Variants in TTC28 observed in about 807,000 individuals in gnomAD.
TTC28 encodes tetratricopeptide repeat protein 28.
Under a neutral mutation model 198.0 loss-of-function variants are expected in TTC28, and 61 were observed. The ratio of observed to expected loss-of-function variants is 0.31; its 90% confidence interval spans 0.25 to 0.38. The LOEUF (loss-of-function observed/expected upper bound fraction) is 0.38, where lower values mean the gene tolerates loss of function less well. Among genes scored for constraint, TTC28 ranks in the 10% least tolerant of loss-of-function variants. The probability of loss-of-function intolerance (pLI) is 1.00; values close to 1 mark genes in which losing one functional copy is unlikely to be tolerated. For missense variants in TTC28, 2,678 were observed against 3,164.0 expected, an observed-to-expected ratio of 0.85 and a Z score of 3.69; for synonymous variants, 1,171 against 1,297.8, an observed-to-expected ratio of 0.90 and a Z score of 2.10.
At chr22:28,068,286 C>T (rs1940837752) in intron 12 of TTC28, among the ~76,000 whole-genome samples, 2 of 152,204 alleles carry the variant, frequency 1.3e-5, no homozygotes, top group East Asian at 3.9e-4. Flanking sequence ...GCTGTGTGAC[C>T]TAGGATAAAT....
chr22:28,427,865 T>C (rs994977451), intron 2 of TTC28, among the ~76,000 whole-genome samples: 3 of 152,036 alleles, frequency 2.0e-5, no homozygotes, highest in Non-Finnish European at 4.4e-5. Flanking sequence ...CCTCCCCTCC[T>C]ACCTTCCTTT....
At chr22:28,060,594 T>A (rs186423645) in intron 12 of TTC28, among the ~76,000 whole-genome samples, 1 of 152,358 alleles carries the variant, frequency 6.6e-6, no homozygotes, top group East Asian at 1.9e-4. Flanking sequence ...TGATTTATAA[T>A]CCTTTGGGTA....
intron 2 of TTC28, among the ~76,000 whole-genome samples, chr22:28,604,598 G>T (rs2050700100): frequency 6.6e-6 from 1 of 151,678 alleles, no homozygotes; most frequent in Admixed American, 6.6e-5. Context: ...ACAGAAATTA[G>T]CCGAGCATGG....
chr22:28,646,897 C>G lies in TTC28; in HGVS notation c.103-17067G>C, dbSNP rs2051477448. Among the ~76,000 whole-genome samples, 3 of 152,004 alleles carry G rather than the reference C, an allele frequency of 2.0e-5. No individual in the cohort carries two copies. The South Asian group carries it at 6.2e-4, about 31-fold the overall frequency. On this transcript the variant is annotated intron_variant, in intron 1 of 22. Transcript: ENST00000397906. ...AAGGAAAGAATGGAAAGAAAGAAAT[C>G]AAATCAAAAGAGAACCCAAATAGCC... is the stretch of plus-strand genomic sequence containing the variant.
intron 5 of TTC28, among the ~76,000 whole-genome samples, chr22:28,286,777 A>G (rs1364799238): frequency 1.3e-5 from 2 of 152,110 alleles, no homozygotes; most frequent in African/African-American, 4.8e-5. Context: ...ATTTAAAAAT[A>G]CCATTTACAA....
At chr22:28,359,622 G>A (rs2046128356) in intron 2 of TTC28, among the ~76,000 whole-genome samples, 1 of 152,182 alleles carries the variant, frequency 6.6e-6, no homozygotes, top group South Asian at 2.1e-4. Context: ...CAAGTAACAA[G>A]TAGTAAGTAT....
At chr22:28,118,272 A>G (rs1197983293) in intron 6 of TTC28, among the ~76,000 whole-genome samples, 1 of 151,912 alleles carries the variant, frequency 6.6e-6, no homozygotes, top group African/African-American at 2.4e-5. Flanking sequence ...GGTGGCATGC[A>G]CCTGTAATCC....
intron 5 of TTC28, among the ~76,000 whole-genome samples, chr22:28,186,628 A>C (rs187423785): frequency 8.5e-4 from 129 of 152,320 alleles, no homozygotes; most frequent in Non-Finnish European, 1.7e-3. Context: ...GCACATTTCC[A>C]GAAGGTTCCA....
At chr22:28,203,405 TA>T (rs1326772853) in intron 5 of TTC28, among the ~76,000 whole-genome samples, 4 of 152,188 alleles carry the variant, frequency 2.6e-5, no homozygotes, top group Admixed American at 6.6e-5. Context: ...TAGCTATTTT[TA>T]TTGTAACCTG....
chr22:28,096,043 G>T, intron 11 of TTC28, 147 bp downstream of exon 11: 1 of 1,256,556 alleles, frequency 8.0e-7, no homozygotes, highest in Non-Finnish European at 1.0e-6. Context: ...CCCCACCACG[G>T]CATATCCACT....
chr22:28,290,991 A>C (rs1339389986), intron 5 of TTC28, among the ~76,000 whole-genome samples: 1 of 152,254 alleles, frequency 6.6e-6, no homozygotes, highest in African/African-American at 2.4e-5. Context: ...AAATCTCCCT[A>C]AAAGTGTAGA....
At chr22:28,644,644 G>A (rs1328283386) in intron 1 of TTC28, among the ~76,000 whole-genome samples, 3 of 152,164 alleles carry the variant, frequency 2.0e-5, no homozygotes, top group Non-Finnish European at 4.4e-5. Flanking sequence ...GGGCAACAAG[G>A]TGAAACCCCA....
chr22:28,336,877 G>T (rs989404285), intron 2 of TTC28, among the ~76,000 whole-genome samples: 4 of 152,010 alleles, frequency 2.6e-5, no homozygotes, highest in Admixed American at 2.6e-4. Flanking sequence ...CTTGCCTTCT[G>T]CTAGCTTTTG....
intron 2 of TTC28, among the ~76,000 whole-genome samples, chr22:28,595,216 A>C (rs2050518166): frequency 6.6e-6 from 1 of 152,198 alleles, no homozygotes; most frequent in African/African-American, 2.4e-5. Context: ...CCAATATTAA[A>C]TGATTAATCT....
intron 6 of TTC28, among the ~76,000 whole-genome samples, chr22:28,159,023 G>A (rs1324143755): frequency 6.6e-6 from 1 of 151,998 alleles, no homozygotes; most frequent in East Asian, 1.9e-4. Flanking sequence ...ATATGACAAG[G>A]GATTAATAAC....
In TTC28 at chr22:28,583,559, G is replaced by A. The variant is rs553525879; in HGVS notation, c.381+45993C>T. On this transcript the variant is annotated intron_variant, in intron 2 of 22. Transcript: ENST00000397906. ...TTACATTAAATACCCATAATTCCTT[G>A]TGAAAATCTCTTTGTTTTTCTGCTT... is the stretch of plus-strand genomic sequence containing the variant. Among the ~76,000 whole-genome samples, 4 of 152,176 alleles carry A rather than the reference G, an allele frequency of 2.6e-5. No individual in the cohort carries two copies. In the South Asian group the frequency reaches 8.3e-4, roughly 32 times the overall value.
intron 2 of TTC28, among the ~76,000 whole-genome samples, chr22:28,530,312 G>A (rs1227012953): frequency 6.6e-6 from 1 of 152,162 alleles, no homozygotes; most frequent in Non-Finnish European, 1.5e-5. Context: ...GGGTATCAGT[G>A]ATTGAAGATC....
At chr22:28,435,937 G>A (rs954133190) in intron 2 of TTC28, among the ~76,000 whole-genome samples, 4 of 152,134 alleles carry the variant, frequency 2.6e-5, no homozygotes, top group African/African-American at 9.7e-5. Flanking sequence ...ACAAATAACT[G>A]TAACTTTCCC....
At chr22:28,381,309 GC>G (rs1291008409) in intron 2 of TTC28, among the ~76,000 whole-genome samples, 1 of 152,072 alleles carries the variant, frequency 6.6e-6, no homozygotes, top group Non-Finnish European at 1.5e-5. Context: ...TATAGTACCT[GC>G]CCTTGATTCA....
Sources: gnomAD v4.1 joint callset for allele counts (sites outside exome capture counted in the v4.1 genomes callset) on GRCh38, gnomAD v4.1.1 for gene constraint, MANE v1.5 for transcripts, NCBI Gene and HGNC (gene_info 2026-07-23, HGNC 2026-07-21) for gene names.